Variants in MYSM1 observed in about 807,000 individuals in gnomAD.
MYSM1 encodes deubiquitinase MYSM1.
Under a neutral mutation model 116.0 loss-of-function variants are expected in MYSM1, and 51 were observed. The observed-to-expected ratio is 0.44, with a 90% CI of 0.35 to 0.56. The LOEUF (loss-of-function observed/expected upper bound fraction) is 0.56. MYSM1 is among the 20% of genes least tolerant of loss of function. The pLI is 0.00. For synonymous variants in MYSM1, 313 were observed against 315.2 expected (o/e 0.99, Z 0.07); for missense variants, 900 against 974.9 (o/e 0.92, Z 1.02).
chr1:58,699,809 C>A (rs2100693129), intron 1 of MYSM1, 176 bp downstream of exon 1: 1 of 985,452 alleles, frequency 1.0e-6, no homozygotes, highest in Non-Finnish European at 1.2e-6. Context: ...ACCGCCCTGC[C>A]CGCTGGGCTT....
intron 8 of MYSM1, among the ~76,000 whole-genome samples, chr1:58,680,908 GC>G (rs1258422158): frequency 4.7e-5 from 7 of 150,422 alleles, no homozygotes; most frequent in African/African-American, 1.7e-4. Context: ...TGCAACCTCT[GC>G]CTCCCAGGTT....
chr1:58,695,405 C>G (rs1644960234), intron 1 of MYSM1, among the ~76,000 whole-genome samples, 198 bp from the exon 2 acceptor site: 1 of 152,162 alleles, frequency 6.6e-6, no homozygotes, highest in Non-Finnish European at 1.5e-5. Context: ...TAGTGCTAAG[C>G]TACCCCATCT....
rs1365599183 is a variant in MYSM1 at position 58,682,392 on chromosome 1, A to G, written c.652T>C (p.Ser218Pro). The G allele has an allele frequency of 6.2e-7, 1 of 1,614,086 alleles. No homozygotes were observed. Among genetic ancestry groups the G allele is most frequent in the African/African-American group, 1.3e-5 (1 of 74,940 alleles). ...NLNAVKIEKL[S>P]DDEEVDITDE... Reference sequence around the variant, plus strand: ...GTGATGTCTACTTCTTCATCATCAGATAACTTTTCAATTTTTACAGCATTC... The same window carrying G: ...GTGATGTCTACTTCTTCATCATCAGGTAACTTTTCAATTTTTACAGCATTC... The change falls in exon 8 of 20, where the codon TCT becomes CCT. Residue 218 changes from serine to proline, a missense_variant. By Grantham distance (74) the Ser-to-Pro change is moderately conservative. This residue lies in a region of MYSM1 where 622 missense variants were observed against 623.7 expected (regional missense o/e 1.00). Transcript: ENST00000472487.
chr1:58,668,835 A>G (rs1421860961), intron 13 of MYSM1, 149 bp downstream of exon 13: 3 of 984,380 alleles, frequency 3.0e-6, no homozygotes, highest in Non-Finnish European at 4.6e-6. Context: ...TTAAAACATT[A>G]TGATTTAAAA....
chr1:58,671,739 A>T (rs1215032533), intron 12 of MYSM1, 131 bp downstream of exon 12: 7 of 667,640 alleles, frequency 1.0e-5, no homozygotes, highest in Non-Finnish European at 1.7e-5. Flanking sequence ...AACAAAAAAA[A>T]TCTAAAAAAT....
rs776786830 is a variant in MYSM1, at chr1:58,675,465, A to G, written c.1494+12T>C. 3.1e-6 allele frequency: 5 copies of G among 1,590,846 alleles called. No homozygotes were observed. The highest frequency in any genetic ancestry group is 1.7e-4 in the Middle Eastern group (1 of 6,036). ...CAATGTGGAGAGATCACTGAGAGAG[A>G]TGACTGCTTACCATAGACTGCAGAC... On this transcript the variant is annotated intron_variant, in intron 10 of 19. Coordinates refer to ENST00000472487, the MANE Select transcript of MYSM1 (RefSeq NM_001085487.3).
chr1:58,689,379 C>T, intron 5 of MYSM1: 1 of 321,628 alleles, frequency 3.1e-6, no homozygotes. Context: ...TAAAAGACAT[C>T]AAAGGAAGTC....
intron 10 of MYSM1, among the ~76,000 whole-genome samples, chr1:58,675,273 G>A (rs1362357323): frequency 1.3e-5 from 2 of 152,144 alleles, no homozygotes; most frequent in Non-Finnish European, 2.9e-5. Flanking sequence ...TACATTTTAA[G>A]GGTTTTTAGG....
At chr1:58,692,242 A>C (rs904825791) in intron 3 of MYSM1, among the ~76,000 whole-genome samples, 4 of 152,238 alleles carry the variant, frequency 2.6e-5, no homozygotes, top group African/African-American at 9.6e-5. Context: ...GGAGAAATCC[A>C]TAAAATGAAG....
intron 2 of MYSM1, among the ~76,000 whole-genome samples, chr1:58,693,405 A>G (rs1320314066): frequency 6.6e-6 from 1 of 152,194 alleles, no homozygotes; most frequent in Admixed American, 6.5e-5. Flanking sequence ...AATACCCAAC[A>G]GCCCATCCGA....
intron 13 of MYSM1, 86 bp from the exon 14 acceptor site, chr1:58,668,768 C>T (rs1400186770): frequency 8.3e-6 from 10 of 1,209,194 alleles, no homozygotes; most frequent in Non-Finnish European, 1.2e-5. Flanking sequence ...CCCTGTTCTC[C>T]TTTATCCACC....
At chr1:58,689,340 T>TAA (rs998526805) in intron 5 of MYSM1, 5 of 447,486 alleles carry the variant, frequency 1.1e-5, no homozygotes, top group African/African-American at 1.0e-4. Flanking sequence ...CCAAAAGACA[T>TAA]AATCCTTGGG....
At chr1:58,661,541 T>A (rs759592545) in intron 17 of MYSM1, 30 bp from the exon 18 acceptor site, 3 of 1,217,972 alleles carry the variant, frequency 2.5e-6, no homozygotes, top group Middle Eastern at 2.1e-4. Flanking sequence ...CACATTGTCA[T>A]CAACTATTTC....
At chr1:58,694,542 A>C (rs928474484) in intron 2 of MYSM1, among the ~76,000 whole-genome samples, 2 of 152,016 alleles carry the variant, frequency 1.3e-5, no homozygotes, top group Non-Finnish European at 2.9e-5. Flanking sequence ...AATCACTTGA[A>C]TGTGGGAGGC....
In MYSM1 at chr1:58,673,645, T is replaced by C. The variant is rs200737274; in HGVS notation, c.1500A>G (p.Thr500=). 2.9e-5 allele frequency: 46 copies of C among 1,613,872 alleles called. No homozygotes were observed. In the East Asian group the frequency reaches 7.1e-4, roughly 25 times the overall value. ...ATGGGTCTCGGACCCTACGTCTCCT[T>C]GTACGCTGCGATGAGATTAAAGTAA... is the stretch of plus-strand genomic sequence containing the variant. ...QLAQRLQSMR[T]RRRRVRDPWG... is the part of the protein sequence containing the mutation. Residue 500 remains threonine, a synonymous_variant, in exon 11 of 20, where the codon ACA becomes ACG. Transcript: ENST00000472487.
chr1:58,668,709 G>A lies in MYSM1; in HGVS notation c.1717-27C>T, dbSNP rs771581560. On this transcript the variant is annotated intron_variant, in intron 13 of 19. Coordinates refer to ENST00000472487, the MANE Select transcript of MYSM1 (RefSeq NM_001085487.3). ...TGAAATATAAAAAACAAAACAAAACGGGGGAGCATAAAAATAGAGATTTTT... is the reference window on the plus strand; with the variant it reads ...TGAAATATAAAAAACAAAACAAAACAGGGGAGCATAAAAATAGAGATTTTT... 12 of 1,577,062 alleles carry A rather than the reference G, an allele frequency of 7.6e-6. No individual in the cohort carries two copies. The Admixed American group carries it at 9.2e-5, about 12-fold the overall frequency.
At position 58,681,943 on chromosome 1, in the gene MYSM1, A is replaced by G. The variant is rs1239622130; in HGVS notation, c.1101T>C (p.His367=). Reference sequence around the variant, plus strand: ...CTGGTGGCTTAAGCTCTTCTTCCTCATGGCTTTCCTCTACCATTTGGCAAG... The same window carrying G: ...CTGGTGGCTTAAGCTCTTCTTCCTCGTGGCTTTCCTCTACCATTTGGCAAG... ...FHSCQMVEES[H]EEEELKPPEQ... is the part of the protein sequence containing the mutation. Residue 367 remains histidine (H), a synonymous_variant, in exon 8 of 20, where the codon CAT becomes CAC. Coordinates refer to ENST00000472487, the MANE Select transcript of MYSM1 (RefSeq NM_001085487.3). 2 of 1,613,926 alleles carry G rather than the reference A, an allele frequency of 1.2e-6. No individual in the cohort carries two copies. The highest frequency in any genetic ancestry group is 1.7e-5 in the Admixed American group (1 of 60,006).
chr1:58,684,550 G>GA, intron 7 of MYSM1, among the ~76,000 whole-genome samples: 1 of 132,550 alleles, frequency 7.5e-6, no homozygotes, highest in Non-Finnish European at 1.5e-5. Context: ...GGGCGACAGA[G>GA]CAAGACTCTG....
chr1:58,671,408 T>C (rs1361470056), intron 12 of MYSM1, among the ~76,000 whole-genome samples: 7 of 152,182 alleles, frequency 4.6e-5, no homozygotes, highest in Non-Finnish European at 8.8e-5. Context: ...AACTACAGTC[T>C]ATTCAATGGG....
Sources: gnomAD v4.1 joint callset for allele counts (sites outside exome capture counted in the v4.1 genomes callset) on GRCh38, gnomAD v4.1.1 for gene constraint, gnomAD v4.1.1 regional missense constraint, MANE v1.5 for transcripts, NCBI Gene and HGNC (gene_info 2026-07-23, HGNC 2026-07-21) for gene names.